Variants in PLCL1 observed in about 807,000 individuals in gnomAD.
The protein encoded by PLCL1 is inactive phospholipase C-like protein 1.
Under a neutral mutation model 84.4 loss-of-function variants are expected in PLCL1, and 41 were observed. The observed-to-expected ratio is 0.49, with a 90% CI of 0.38 to 0.63. PLCL1 has a LOEUF of 0.63. PLCL1 is among the 30% of genes least tolerant of loss of function. PLCL1 has a pLI of 0.00. For missense variants in PLCL1, 1,206 were observed against 1,367.8 expected, an observed-to-expected ratio of 0.88 and a Z score of 1.87; for synonymous variants, 490 against 488.3, an observed-to-expected ratio of 1.00 and a Z score of -0.05.
intron 1 of PLCL1, among the ~76,000 whole-genome samples, chr2:197,975,963 C>T (rs775840660): frequency 1.3e-5 from 2 of 152,202 alleles, no homozygotes; most frequent in African/African-American, 4.8e-5. Context: ...TCTCCCCAAC[C>T]ATACCTTCCT....
At chr2:197,997,086 G>C (rs1310237591) in intron 1 of PLCL1, among the ~76,000 whole-genome samples, 2 of 152,194 alleles carry the variant, frequency 1.3e-5, no homozygotes, top group Non-Finnish European at 2.9e-5. Context: ...TGTGCTCACG[G>C]AATCCTGAGA....
At chr2:198,003,239 T>A (rs1206810782) in intron 1 of PLCL1, among the ~76,000 whole-genome samples, 1 of 151,920 alleles carries the variant, frequency 6.6e-6, no homozygotes, top group Admixed American at 6.6e-5. Context: ...ACTTTACAAT[T>A]TTTTTTAATA....
intron 1 of PLCL1, among the ~76,000 whole-genome samples, chr2:197,975,247 C>G (rs1209002848): frequency 6.8e-6 from 1 of 147,882 alleles, no homozygotes; most frequent in African/African-American, 2.5e-5. Flanking sequence ...TAGATTATCT[C>G]TAAATTATAT....
intron 1 of PLCL1, among the ~76,000 whole-genome samples, chr2:197,839,610 G>A (rs372062035): frequency 7.9e-5 from 12 of 152,288 alleles, no homozygotes; most frequent in South Asian, 2.1e-4. Flanking sequence ...ACACCGGTCC[G>A]TAGCCATGGG....
At chr2:198,043,625 A>G (rs1039525843) in intron 1 of PLCL1, among the ~76,000 whole-genome samples, 1 of 152,146 alleles carries the variant, frequency 6.6e-6, no homozygotes, top group African/African-American at 2.4e-5. Flanking sequence ...GTTCATAGGG[A>G]GTTGTGAAGG....
intron 5 of PLCL1, among the ~76,000 whole-genome samples, chr2:198,122,094 T>C (rs1559112570): frequency 1.3e-5 from 2 of 152,130 alleles, no homozygotes; most frequent in Non-Finnish European, 1.5e-5. Context: ...CATTCTACTC[T>C]TCTAGTGCCC....
At chr2:198,046,375 GAGAA>G (rs934870313) in intron 1 of PLCL1, among the ~76,000 whole-genome samples, 1 of 152,160 alleles carries the variant, frequency 6.6e-6, no homozygotes, top group Non-Finnish European at 1.5e-5. Flanking sequence ...GATGCTAAAG[GAGAA>G]AGAAACCTGG....
At chr2:197,854,995 G>T (rs1418783005) in intron 1 of PLCL1, among the ~76,000 whole-genome samples, 2 of 152,126 alleles carry the variant, frequency 1.3e-5, no homozygotes, top group Non-Finnish European at 1.5e-5. Flanking sequence ...TAACTGAAAT[G>T]GTCAGTCACT....
chr2:198,021,809 C>T (rs1691140372), intron 1 of PLCL1, among the ~76,000 whole-genome samples: 1 of 152,178 alleles, frequency 6.6e-6, no homozygotes, highest in Admixed American at 6.5e-5. Flanking sequence ...CGAATTCTAT[C>T]AGAGGTACAA....
At chr2:198,101,175 A>G in intron 3 of PLCL1, 110 bp from the exon 4 acceptor site, 1 of 710,592 alleles carries the variant, frequency 1.4e-6, no homozygotes, top group Non-Finnish European at 2.5e-6. Flanking sequence ...TGGTGAGACT[A>G]TGGCTTACTT....
At chr2:198,076,155 A>G (rs1288661555) in intron 1 of PLCL1, among the ~76,000 whole-genome samples, 1 of 139,966 alleles carries the variant, frequency 7.1e-6, no homozygotes, top group African/African-American at 2.8e-5. Context: ...CTAACTACCC[A>G]CTCTGAAATG....
intron 1 of PLCL1, among the ~76,000 whole-genome samples, chr2:197,826,706 G>A (rs1690936000): frequency 6.6e-6 from 1 of 152,150 alleles, no homozygotes; most frequent in Non-Finnish European, 1.5e-5. Context: ...AGGCAGACAT[G>A]CACAATACCC....
chr2:198,025,358 A>G (rs1691239856), intron 1 of PLCL1, among the ~76,000 whole-genome samples: 1 of 152,038 alleles, frequency 6.6e-6, no homozygotes, highest in Non-Finnish European at 1.5e-5. Context: ...ACACAAATGT[A>G]GTATACTAGA....
chr2:198,091,749 A>G (rs1345759443), intron 3 of PLCL1, among the ~76,000 whole-genome samples: 1 of 137,126 alleles, frequency 7.3e-6, no homozygotes, highest in African/African-American at 3.0e-5. Flanking sequence ...ATAAAATAAA[A>G]TAAAATAAAA....
At chr2:197,941,868 A>C (rs891258321) in intron 1 of PLCL1, among the ~76,000 whole-genome samples, 42 of 152,020 alleles carry the variant, frequency 2.8e-4, no homozygotes, top group African/African-American at 1.0e-3. Context: ...AGTGGCATCT[A>C]AGCTTAGCTA....
At chr2:198,106,010 T>A (rs1361203513) in intron 5 of PLCL1, among the ~76,000 whole-genome samples, 1 of 151,950 alleles carries the variant, frequency 6.6e-6, no homozygotes, top group Non-Finnish European at 1.5e-5. Context: ...TAATAATTGC[T>A]GACATTTAAA....
chr2:197,962,370 G>C lies in PLCL1; in HGVS notation c.241-121388G>C, dbSNP rs1689639790. On this transcript the variant is annotated intron_variant, in intron 1 of 5. Transcript: ENST00000428675. The stretch of plus-strand genomic sequence containing the variant: ...TTAGTGACTTCAAAATTTATCGTTA[G>C]TTTTTCTCTTCAACTCAGAGTTCTT... Among the ~76,000 whole-genome samples, 3 of 152,178 alleles carry C rather than the reference G, an allele frequency of 2.0e-5. No individual in the cohort carries two copies. The South Asian group carries it at 6.2e-4, about 32-fold the overall frequency.
chr2:198,109,655 G>A (rs951214199), intron 5 of PLCL1, among the ~76,000 whole-genome samples: 1 of 151,844 alleles, frequency 6.6e-6, no homozygotes, highest in Non-Finnish European at 1.5e-5. Context: ...TATTTGCAAT[G>A]AAGTGGAATT....
chr2:198,084,211 A>G lies in PLCL1; in HGVS notation c.694A>G (p.Met232Val), dbSNP rs752918197. The G allele has an allele frequency of 3.7e-6, 6 of 1,614,066 alleles. No homozygotes were observed. Among genetic ancestry groups the G allele is most frequent in the Non-Finnish European group, 5.1e-6 (6 of 1,179,974 alleles). The change falls in exon 2 of 6, where the codon ATG (methionine) becomes GTG (valine). Residue 232 changes from methionine (M) to valine (V), a missense_variant. By Grantham distance (21) the Met-to-Val change is conservative (BLOSUM62 1). Coordinates refer to ENST00000428675, the MANE Select transcript of PLCL1 (RefSeq NM_006226.4). ...VSRSKQPLDFMEGNQNTPRFM... is the reference protein window; with the variant it reads ...VSRSKQPLDFVEGNQNTPRFM... ...TCGAAGTAAGCAGCCTCTTGATTTT[A>G]TGGAGGGCAACCAGAACACACCACG... is the stretch of plus-strand genomic sequence containing the variant.
Sources: allele counts gnomAD v4.1 joint callset (sites outside exome capture counted in the v4.1 genomes callset), GRCh38; gene constraint gnomAD v4.1.1; transcripts MANE v1.5; gene names NCBI Gene and HGNC (gene_info 2026-07-23, HGNC 2026-07-21).